Variants in KCNH6 observed in about 807,000 individuals in gnomAD.
The protein encoded by KCNH6 is potassium voltage-gated channel subfamily H member 6.
KCNH6 carries 81 observed loss-of-function variants against 83.4 expected under a neutral mutation model. The ratio of observed to expected loss-of-function variants is 0.97; its 90% confidence interval spans 0.81 to 1.17. The LOEUF is 1.17. Ranked by LOEUF, KCNH6 falls within the 50% of genes most tolerant of loss-of-function variation. The probability of loss-of-function intolerance (pLI) is 0.00; values close to 1 mark genes in which losing one functional copy is unlikely to be tolerated. For missense variants in KCNH6, 1,203 were observed against 1,290.5 expected (o/e 0.93, Z 1.04); for synonymous variants, 503 against 545.6 (o/e 0.92, Z 1.09).
At chr17:63,526,548 G>A (rs532522997) in intron 2 of KCNH6, among the ~76,000 whole-genome samples, 1 of 152,058 alleles carries the variant, frequency 6.6e-6, no homozygotes, top group South Asian at 2.1e-4. Context: ...GTAGGGATGG[G>A]GGTCTCACTA....
chr17:63,537,525 C>T (rs1360116341), intron 6 of KCNH6, among the ~76,000 whole-genome samples: 1 of 152,112 alleles, frequency 6.6e-6, no homozygotes, highest in Non-Finnish European at 1.5e-5. Context: ...ACCTCTGCCT[C>T]CTGGGTTCAA....
chr17:63,523,607 TG>T lies in KCNH6; in HGVS notation c.76+119del. On this transcript the variant is annotated intron_variant, in intron 1 of 12. Coordinates refer to ENST00000314672, the MANE Select transcript of KCNH6 (RefSeq NM_001278919.2). This position sits in a 1 kb window ranked among gnomAD's most constrained non-coding sequence, Gnocchi z 4.2. ...AAGGTGGTGAGTGCCGGGTGCTGAA[TG>T]AAAAATCCTTCTTTTGATGTCCCCA... The T allele has an allele frequency of 1.2e-6, 1 of 843,548 alleles. No individual in the cohort carries two copies. The highest frequency in any genetic ancestry group is 1.8e-6 in the Non-Finnish European group (1 of 563,312). 52.3% of individuals were successfully genotyped at this position (843,548 alleles called of 1,614,324 possible). A position where few individuals can be genotyped will look rare whatever the true frequency, so the allele number is the denominator to read the frequency against.
At chr17:63,527,271 G>A (rs2031780546) in intron 2 of KCNH6, among the ~76,000 whole-genome samples, 2 of 152,202 alleles carry the variant, frequency 1.3e-5, no homozygotes, top group East Asian at 1.9e-4. Context: ...GTGAATGCCA[G>A]GAGGACCAAG....
rs770204942 is a variant in KCNH6, at chr17:63,544,125, G to A, written c.2234-124G>A. ...TTGTGCTCCAGGGCACCCAGGTAAG[G>A]AGAGCCACTCCTCACACCCTGTGTC... On this transcript the variant is annotated intron_variant, in intron 10 of 12. Coordinates refer to ENST00000314672, the MANE Select transcript of KCNH6 (RefSeq NM_001278919.2). 46 of 1,606,274 alleles carry A rather than the reference G, an allele frequency of 2.9e-5. 2 individuals carry two copies. The South Asian group carries it at 5.1e-4, about 18-fold the overall frequency.
In KCNH6 at chr17:63,545,696, A is replaced by G; in HGVS notation, c.2671A>G (p.Lys891Glu). The change falls in exon 13 of 13, where the codon AAA becomes GAA. Residue 891 changes from lysine to glutamate, a missense_variant. Transcript: ENST00000314672. ...RMPHLAVATD[K>E]TLAPSSEQEQ... ...GCCTCACCTGGCTGTGGCAACGGAC[A>G]AAACTCTGGCACCATCCTCAGAACA... The G allele has an allele frequency of 6.2e-7, 1 of 1,614,032 alleles. No individual in the cohort carries two copies. Among genetic ancestry groups the G allele is most frequent in the Non-Finnish European group, 8.5e-7 (1 of 1,179,954 alleles).
chr17:63,545,720 C>G lies in KCNH6; in HGVS notation c.2695C>G (p.Gln899Glu), dbSNP rs1381158446. The G allele has an allele frequency of 6.2e-7, 1 of 1,614,060 alleles. No individual in the cohort carries two copies. Among genetic ancestry groups the G allele is most frequent in the Admixed American group, 1.7e-5 (1 of 60,010 alleles). ...TDKTLAPSSEQEQPEGLWPPL... is the reference protein window; with the variant it reads ...TDKTLAPSSEEEQPEGLWPPL... ...CAAAACTCTGGCACCATCCTCAGAACAGGAACAGCCTGAGGGGCTCTGGCC... is the reference window on the plus strand; with the variant it reads ...CAAAACTCTGGCACCATCCTCAGAAGAGGAACAGCCTGAGGGGCTCTGGCC... The change falls in exon 13 of 13, where the codon CAG becomes GAG. Residue 899 changes from glutamine to glutamate, a missense_variant. Physicochemically the swap from Gln to Glu is conservative, Grantham distance 29. Transcript: ENST00000314672.
At chr17:63,528,009 C>T (rs2031831410) in intron 2 of KCNH6, among the ~76,000 whole-genome samples, 1 of 152,236 alleles carries the variant, frequency 6.6e-6, no homozygotes, top group African/African-American at 2.4e-5. Flanking sequence ...ACATCAATTG[C>T]TGGGTGCAGC....
chr17:63,536,254 C>T, intron 6 of KCNH6, 186 bp downstream of exon 6: 1 of 603,422 alleles, frequency 1.7e-6, no homozygotes, highest in Non-Finnish European at 2.9e-6. Context: ...TATTTAACAC[C>T]CACACAGCCC....
Position 63,543,676 on chromosome 17 carries a change from C to G in KCNH6, c.2233+16C>G, listed in dbSNP as rs766581955. The stretch of plus-strand genomic sequence containing the variant: ...AACCAGTCAGGTGAGCAAAGCCAGC[C>G]CCCACCCCCACCAGCCTGTAGCCCC... On this transcript the variant is annotated intron_variant, in intron 10 of 12. Transcript: ENST00000314672. 4.4e-5 allele frequency: 67 copies of G among 1,521,388 alleles called. No homozygotes were observed. Among genetic ancestry groups the G allele is most frequent in the Non-Finnish European group, 5.7e-5 (63 of 1,096,766 alleles). The allele number at this position is 1,521,388 out of a possible 1,614,324, so 94.2% of individuals were successfully genotyped here. A position where few individuals can be genotyped will look rare whatever the true frequency, so the allele number is the denominator to read the frequency against.
At position 63,530,350 on chromosome 17, in the gene KCNH6, C is replaced by T; in HGVS notation, c.483C>T (p.Gly161=). 6.2e-7 allele frequency: 1 copy of T among 1,614,146 alleles called. No homozygotes were observed. Among genetic ancestry groups the T allele is most frequent in the Non-Finnish European group, 8.5e-7 (1 of 1,179,998 alleles). ...CCCTGGTTTCAGAGGGCTCTCATGGCAGGCCAGGCGGACCAGGGCCAGGCA... is the reference window on the plus strand; with the variant it reads ...CCCTGGTTTCAGAGGGCTCTCATGGTAGGCCAGGCGGACCAGGGCCAGGCA... ...QSFLGSEGSH[G]RPGGPGPGTG... The change falls in exon 4 of 13, where the codon GGC becomes GGT. Residue 161 remains glycine, a synonymous_variant. Coordinates refer to ENST00000314672, the MANE Select transcript of KCNH6 (RefSeq NM_001278919.2).
chr17:63,536,528 C>T (rs1276516107), intron 6 of KCNH6, among the ~76,000 whole-genome samples: 1 of 152,120 alleles, frequency 6.6e-6, no homozygotes, highest in Non-Finnish European at 1.5e-5. Flanking sequence ...CCTATAATCC[C>T]AGCTACTCGG....
At chr17:63,539,306 TG>T (rs960650146) in intron 8 of KCNH6, among the ~76,000 whole-genome samples, 3 of 152,160 alleles carry the variant, frequency 2.0e-5, no homozygotes, top group Non-Finnish European at 4.4e-5. Flanking sequence ...CCAGCCCCTC[TG>T]GACAGGTTCC....
intron 6 of KCNH6, among the ~76,000 whole-genome samples, chr17:63,536,498 G>A (rs537121041): frequency 6.6e-6 from 1 of 152,240 alleles, no homozygotes; most frequent in East Asian, 1.9e-4. Flanking sequence ...ACAAAAATTA[G>A]CCAGGTGTGG....
chr17:63,537,938 C>G, intron 6 of KCNH6, 127 bp from the exon 7 acceptor site: 1 of 925,278 alleles, frequency 1.1e-6, no homozygotes, highest in Non-Finnish European at 1.6e-6. Context: ...CCTGGTCACT[C>G]CTGACTTCTC....
intron 2 of KCNH6, among the ~76,000 whole-genome samples, chr17:63,526,390 CTTTTTT>C (rs11316766): frequency 2.2e-5 from 3 of 134,662 alleles, no homozygotes; most frequent in South Asian, 4.7e-4. Flanking sequence ...TCATATAATC[CTTTTTT>C]TTTTTTTTTT....
chr17:63,543,497 T>C, intron 9 of KCNH6, 79 bp from the exon 10 acceptor site: 1 of 866,064 alleles, frequency 1.2e-6, no homozygotes. Context: ...GACAGCACCA[T>C]GGGGTCAGGG....
rs553089931 is a variant in KCNH6, at chr17:63,526,285, G to A, written c.307+1916G>A. On this transcript the variant is annotated intron_variant, in intron 2 of 12. Transcript: ENST00000314672. ...ACCTGGACCTTCCTGAAATTGTCCT[G>A]AAACCCAGAAAGGGGAGCTTCCTGG... 6.6e-5 allele frequency among the ~76,000 whole-genome samples: 10 copies of A among 152,150 alleles called. No homozygotes were observed. In the East Asian group the frequency reaches 1.9e-3, roughly 29 times the overall value.
Position 63,538,087 on chromosome 17 carries a change from C to T in KCNH6, c.1524C>T (p.Phe508=), listed in dbSNP as rs1333191899. 1 of 1,613,766 alleles carries T rather than the reference C, an allele frequency of 6.2e-7. No individual in the cohort carries two copies. ...LIGSLMYASI[F]GNVSAIIQRL... is the part of the protein sequence containing the mutation. The stretch of plus-strand genomic sequence containing the variant: ...CAGCCCTGATGTACGCCAGCATCTT[C>T]GGGAACGTGTCCGCGATCATCCAGC... Residue 508 remains phenylalanine, a synonymous_variant, in exon 7 of 13, where the codon TTC becomes TTT. Transcript: ENST00000314672. This position sits in a 1 kb window ranked among gnomAD's most constrained non-coding sequence, Gnocchi z 4.0.
chr17:63,530,166 A>G lies in KCNH6; in HGVS notation c.383A>G (p.Asn128Ser), dbSNP rs199563172. Residue 128 changes from asparagine (N) to serine (S), a missense_variant, in exon 3 of 13, where the codon AAC becomes AGC. Physicochemically the swap from Asn to Ser is conservative, Grantham distance 46 (BLOSUM62 1). Transcript: ENST00000314672. Reference sequence around the variant, plus strand: ...GGGGCTGTCATCATGTTCATTCTCAACTTCGAGGACCTGGCCCAGCTCCTG... The same window carrying G: ...GGGGCTGTCATCATGTTCATTCTCAGCTTCGAGGACCTGGCCCAGCTCCTG... ...EDGAVIMFIL[N>S]FEDLAQLLAK... 1.2e-6 allele frequency: 2 copies of G among 1,614,056 alleles called. No individual in the cohort carries two copies. The highest frequency in any genetic ancestry group is 2.2e-5 in the East Asian group (1 of 44,870).
Sources: allele counts gnomAD v4.1 joint callset (sites outside exome capture counted in the v4.1 genomes callset), GRCh38; gene constraint gnomAD v4.1.1; non-coding constraint Gnocchi (gnomAD v3.1); transcripts MANE v1.5; gene names NCBI Gene and HGNC (gene_info 2026-07-23, HGNC 2026-07-21).